The following MIGA2 variants were observed in gnomAD, a reference collection of about 807,000 sequenced individuals.
The protein encoded by MIGA2 is mitoguardin 2.
A neutral mutation model predicts 69.9 loss-of-function variants in MIGA2; 36 were observed. That is an observed-to-expected ratio of 0.52 (90% confidence interval 0.39 to 0.68). The LOEUF (loss-of-function observed/expected upper bound fraction) is 0.68, where lower values mean the gene tolerates loss of function less well. MIGA2 is among the 30% of genes least tolerant of loss of function. The pLI, the probability that MIGA2 is intolerant of heterozygous loss-of-function variation, is 0.00. For synonymous variants in MIGA2, 333 were observed against 349.2 expected (o/e 0.95, Z 0.52); for missense variants, 660 against 787.7 (o/e 0.84, Z 1.94).
chr9:129,055,365 G>A (rs371568568), intron 6 of MIGA2, among the ~76,000 whole-genome samples: 2 of 151,840 alleles, frequency 1.3e-5, no homozygotes, highest in Admixed American at 6.6e-5. Context: ...AGTGTGAGCC[G>A]CTGTGCCCAG....
chr9:129,040,526 A>C lies in MIGA2; in HGVS notation c.-69A>C, dbSNP rs931469072. On this transcript the variant is annotated 5_prime_UTR_variant, in exon 2 of 16. Transcript: ENST00000684074. ...GGATGGTGCCTGGGACCCAGCTGGC[A>C]ACCAGTTGAAGACGTTCTCCTTGGA... 4.2e-5 allele frequency: 65 copies of C among 1,537,678 alleles called. No individual in the cohort carries two copies. The highest frequency in any genetic ancestry group is 5.3e-5 in the Non-Finnish European group (60 of 1,135,348).
At chr9:129,067,429 C>T (rs554548590) in intron 11 of MIGA2, 1 of 275,166 alleles carries the variant, frequency 3.6e-6, no homozygotes, top group African/African-American at 2.2e-5. Context: ...AGCTTCTCCC[C>T]TTTCCTGTTG....
chr9:129,036,669 G>A lies in MIGA2; in HGVS notation c.-156G>A, dbSNP rs1484613910. On this transcript the variant is annotated 5_prime_UTR_variant, in exon 1 of 16. Coordinates refer to ENST00000684074, the MANE Select transcript of MIGA2 (RefSeq NM_001329990.2). ...GAAGGAGACGCTGCCCTTCCGCAGC[G>A]ATGGCATCCCGGGTGAGTATCGGCC... 2 of 164,924 alleles carry A rather than the reference G, an allele frequency of 1.2e-5. No individual in the cohort carries two copies. The highest frequency in any genetic ancestry group is 4.8e-5 in the African/African-American group (2 of 41,462). 10.2% of individuals were successfully genotyped at this position (164,924 alleles called of 1,614,324 possible).
chr9:129,046,248 G>C (rs1588375977), intron 3 of MIGA2, among the ~76,000 whole-genome samples: 1 of 152,166 alleles, frequency 6.6e-6, no homozygotes, highest in Admixed American at 6.6e-5. Flanking sequence ...GAAACCTGGA[G>C]TCATCTGCAC....
In MIGA2 at chr9:129,070,336, G is replaced by T; in HGVS notation, c.1665G>T (p.Gln555His). 6.2e-7 allele frequency: 1 copy of T among 1,613,122 alleles called. No homozygotes were observed. ...CCGCGCTGGCAGACGACATCCTGCA[G>T]CTGTCCCGGCGCCGCAGCGAGATAT... ...SLPALADDILQLSRRRSEILL... is the reference protein window; with the variant it reads ...SLPALADDILHLSRRRSEILL... Residue 555 changes from glutamine to histidine, a missense_variant, in exon 16 of 16, where the codon CAG (glutamine) becomes CAT (histidine). By Grantham distance (24) the Gln-to-His change is conservative. This residue lies in a region of MIGA2 where 220 missense variants were observed against 301.7 expected (regional missense o/e 0.73). Coordinates refer to ENST00000684074, the MANE Select transcript of MIGA2 (RefSeq NM_001329990.2).
chr9:129,059,711 TGTGACATACTGA>T lies in MIGA2; in HGVS notation c.793+442_793+453del, dbSNP rs1413092912. Among the ~76,000 whole-genome samples, 1 of 152,194 alleles carries T rather than the reference TGTGACATACTGA, an allele frequency of 6.6e-6. No individual in the cohort carries two copies. Among genetic ancestry groups the T allele is most frequent in the Admixed American group, 6.5e-5 (1 of 15,282 alleles). ...TGTTGGGTGCGCTGAGGTGAAATGA[TGTGACATACTGA>T]GGGGGAACCAAGTTATTCTGCCAAA... On this transcript the variant is annotated intron_variant, in intron 7 of 15. Coordinates refer to ENST00000684074, the MANE Select transcript of MIGA2 (RefSeq NM_001329990.2). This position sits in a 1 kb window ranked among gnomAD's most constrained non-coding sequence, Gnocchi z 5.6.
intron 6 of MIGA2, among the ~76,000 whole-genome samples, chr9:129,057,718 A>G (rs1263441248): frequency 3.3e-5 from 5 of 149,820 alleles, no homozygotes; most frequent in Non-Finnish European, 7.4e-5. Flanking sequence ...TGATCCTCCT[A>G]CCTCAGCCTC....
intron 1 of MIGA2, among the ~76,000 whole-genome samples, chr9:129,039,307 G>A (rs987257028): frequency 1.3e-5 from 2 of 150,382 alleles, no homozygotes; most frequent in African/African-American, 2.4e-5. Context: ...GTGCAGTGGC[G>A]CGATCTTGGC....
At position 129,067,795 on chromosome 9, in the gene MIGA2, G is replaced by T. The variant is rs1164107349; in HGVS notation, c.1193G>T (p.Ser398Ile). 1 of 1,612,852 alleles carries T rather than the reference G, an allele frequency of 6.2e-7. No individual in the cohort carries two copies. The highest frequency in any genetic ancestry group is 1.7e-5 in the Admixed American group (1 of 59,930). The change falls in exon 12 of 16, where the codon AGC becomes ATC. Residue 398 changes from serine (S) to isoleucine (I), a missense_variant. Ser to Ile is a moderately radical substitution (Grantham distance 142). Transcript: ENST00000684074. ...AEKSPKGFLESYEEMLSYALR... is the reference protein window; with the variant it reads ...AEKSPKGFLEIYEEMLSYALR... ...CAGAGCCCCAAAGGCTTCCTGGAGAGCTACGAGGAGATGCTGAGCTATGCC... is the reference window on the plus strand; with the variant it reads ...CAGAGCCCCAAAGGCTTCCTGGAGATCTACGAGGAGATGCTGAGCTATGCC...
chr9:129,049,025 C>T (rs977571079), intron 4 of MIGA2, among the ~76,000 whole-genome samples: 2 of 152,122 alleles, frequency 1.3e-5, no homozygotes, highest in African/African-American at 4.8e-5. Flanking sequence ...AGAGGCAGGA[C>T]CCTGGCACAG....
At chr9:129,067,102 C>G (rs1309116642) in intron 11 of MIGA2, among the ~76,000 whole-genome samples, 1 of 145,512 alleles carries the variant, frequency 6.9e-6, no homozygotes, top group Non-Finnish European at 1.5e-5. Context: ...TGCCACTGCA[C>G]TCCAGCCTAG....
intron 6 of MIGA2, among the ~76,000 whole-genome samples, chr9:129,058,496 C>CTTTTTT (rs892590575): frequency 1.6e-4 from 19 of 117,510 alleles, no homozygotes; most frequent in South Asian, 2.9e-4. Flanking sequence ...TTCTTTCTTT[C>CTTTTTT]TTTTTTTTTT....
intron 11 of MIGA2, among the ~76,000 whole-genome samples, chr9:129,066,433 G>C (rs966535612): frequency 2.6e-5 from 4 of 152,180 alleles, no homozygotes; most frequent in African/African-American, 9.6e-5. Flanking sequence ...CCGGCACTTT[G>C]GGAGGCCAAG....
intron 6 of MIGA2, among the ~76,000 whole-genome samples, chr9:129,051,972 C>T (rs1845569133): frequency 6.6e-6 from 1 of 151,856 alleles, no homozygotes; most frequent in Non-Finnish European, 1.5e-5. Context: ...ACTACAGGTG[C>T]CTACCACCAC....
chr9:129,043,235 A>AT (rs954968050), intron 3 of MIGA2, among the ~76,000 whole-genome samples: 3 of 151,978 alleles, frequency 2.0e-5, no homozygotes, highest in Non-Finnish European at 2.9e-5. Context: ...ATGCAGTAAG[A>AT]TTCGTACTTT....
intron 3 of MIGA2, 135 bp downstream of exon 3, chr9:129,042,649 G>T: frequency 1.1e-6 from 1 of 902,018 alleles, no homozygotes; most frequent in Non-Finnish European, 1.7e-6. Flanking sequence ...TGATCTGTGA[G>T]CGGGATGACA....
Position 129,069,266 on chromosome 9 carries a change from ACCT to A in MIGA2, c.1458+139_1458+141del. 9.1e-7 allele frequency: 1 copy of A among 1,098,172 alleles called. No homozygotes were observed. Among genetic ancestry groups the A allele is most frequent in the East Asian group, 2.4e-5 (1 of 41,774 alleles). 68.0% of individuals were successfully genotyped at this position (1,098,172 alleles called of 1,614,324 possible). A position where few individuals can be genotyped will look rare whatever the true frequency, so the allele number is the denominator to read the frequency against. Reference sequence around the variant, plus strand: ...GTCCTGGCCCCCTTGTTCCGCCGTTACCTCTCCCTGTGCCAGGAGCTCCCTGGA... The same window carrying A: ...GTCCTGGCCCCCTTGTTCCGCCGTTACTCCCTGTGCCAGGAGCTCCCTGGA... On this transcript the variant is annotated intron_variant, in intron 14 of 15. Coordinates refer to ENST00000684074, the MANE Select transcript of MIGA2 (RefSeq NM_001329990.2). The surrounding 1 kb of genome is among the most constrained non-coding windows in gnomAD (Gnocchi z 4.9).
Position 129,042,382 on chromosome 9 carries a change from G to A in MIGA2, c.175G>A (p.Ala59Thr), listed in dbSNP as rs1352860567. Residue 59 changes from alanine to threonine, a missense_variant, in exon 3 of 16, where the codon GCC becomes ACC. Ala to Thr is a moderately conservative substitution (Grantham distance 58). Transcript: ENST00000684074. ...FATALGTVALALAAHQLKRRR... is the reference protein window; with the variant it reads ...FATALGTVALTLAAHQLKRRR... ...CACGGCCCTGGGGACTGTGGCCCTG[G>A]CCCTGGCTGCCCACCAGCTGAAGAG... The A allele has an allele frequency of 8.1e-6, 13 of 1,613,614 alleles. No homozygotes were observed. Among genetic ancestry groups the A allele is most frequent in the Non-Finnish European group, 1.1e-5 (13 of 1,180,048 alleles).
chr9:129,040,534 G>T lies in MIGA2; in HGVS notation c.-61G>T. ...CCTGGGACCCAGCTGGCAACCAGTTGAAGACGTTCTCCTTGGAAGCTCTTG... is the reference window on the plus strand; with the variant it reads ...CCTGGGACCCAGCTGGCAACCAGTTTAAGACGTTCTCCTTGGAAGCTCTTG... On this transcript the variant is annotated 5_prime_UTR_variant, in exon 2 of 16. The change abolishes the stop of an existing upstream ORF in the 5' untranslated region. Transcript: ENST00000684074. 1 of 1,558,872 alleles carries T rather than the reference G, an allele frequency of 6.4e-7. No homozygotes were observed. The highest frequency in any genetic ancestry group is 1.2e-5 in the South Asian group (1 of 84,202).
Sources: allele counts gnomAD v4.1 joint callset (sites outside exome capture counted in the v4.1 genomes callset), GRCh38; gene constraint gnomAD v4.1.1; regional missense constraint gnomAD v4.1.1; non-coding constraint Gnocchi (gnomAD v3.1); transcripts MANE v1.5; gene names NCBI Gene and HGNC (gene_info 2026-07-23, HGNC 2026-07-21).